RAI1: variants seen among roughly 807,000 people sequenced by gnomAD.
The protein encoded by RAI1 is retinoic acid-induced protein 1.
In RAI1, 9 loss-of-function variants were observed where a neutral mutation model predicts 123.8. The ratio of observed to expected loss-of-function variants is 0.07; its 90% CI spans 0.04 to 0.13. The LOEUF (loss-of-function observed/expected upper bound fraction) is 0.13, where lower values mean the gene tolerates loss of function less well. Among genes scored for constraint, RAI1 ranks in the 10% least tolerant of loss-of-function variants. The probability of loss-of-function intolerance (pLI) is 1.00; values close to 1 mark genes in which losing one functional copy is unlikely to be tolerated. For synonymous variants in RAI1, 1,231 were observed against 1,127.3 expected, an observed-to-expected ratio of 1.09 and a Z score of -1.84; for missense variants, 2,256 against 2,545.8, an observed-to-expected ratio of 0.89 and a Z score of 2.45.
At chr17:17,776,068 G>A (rs1187109944) in intron 2 of RAI1, among the ~76,000 whole-genome samples, 3 of 152,202 alleles carry the variant, frequency 2.0e-5, no homozygotes, top group Non-Finnish European at 4.4e-5. Context: ...CCCTCTTGGG[G>A]GCTGTTTCCT....
rs2032446409 is a variant in RAI1, at chr17:17,801,090, C to CT, written c.5565+2578dup. On this transcript the variant is annotated intron_variant, in intron 3 of 5. Coordinates refer to ENST00000353383, the MANE Select transcript of RAI1 (RefSeq NM_030665.4). The surrounding 1 kb of genome is among the most constrained non-coding windows in gnomAD (Gnocchi z 4.1). ...ACTTTTGCGCTCTGGAGGGCAGAAC[C>CT]TCTGAGCCAGCTCTCAGGGATACCT... 6.6e-6 allele frequency among the ~76,000 whole-genome samples: 1 copy of CT among 152,224 alleles called. No homozygotes were observed. The highest frequency in any genetic ancestry group is 1.5e-5 in the Non-Finnish European group (1 of 68,032).
rs1389541353 is a variant in RAI1 at position 17,800,408 on chromosome 17, C to T, written c.5565+1895C>T. On this transcript the variant is annotated intron_variant, in intron 3 of 5. Coordinates refer to ENST00000353383, the MANE Select transcript of RAI1 (RefSeq NM_030665.4). The surrounding 1 kb of genome is among the most constrained non-coding windows in gnomAD (Gnocchi z 4.7). ...CGCAGCCTCACCAGGGGCTCCCCGA[C>T]ACTCACGTCCCACCAGGCTGAGATC... Among the ~76,000 whole-genome samples, 3 of 152,192 alleles carry T rather than the reference C, an allele frequency of 2.0e-5. No individual in the cohort carries two copies.
At chr17:17,785,863 G>A (rs2031809641) in intron 2 of RAI1, among the ~76,000 whole-genome samples, 1 of 152,318 alleles carries the variant, frequency 6.6e-6, no homozygotes, top group Non-Finnish European at 1.5e-5. Context: ...GATCCCCTTT[G>A]CATCGGTTCT....
At position 17,797,463 on chromosome 17, in the gene RAI1, C is replaced by T. The variant is rs146571258; in HGVS notation, c.4515C>T (p.Gly1505=). Residue 1505 remains glycine, a synonymous_variant, in exon 3 of 6, where the codon GGC becomes GGT. Transcript: ENST00000353383. ...GGKKPKMEEL[G]LASQPPEGRP... The stretch of plus-strand genomic sequence containing the variant: ...AGAAGCCAAAGATGGAGGAGCTGGG[C>T]CTGGCCTCCCAGCCCCCGGAGGGCA... The T allele has an allele frequency of 3.7e-6, 6 of 1,613,424 alleles. No homozygotes were observed. Among genetic ancestry groups the T allele is most frequent in the African/African-American group, 1.3e-5 (1 of 75,044 alleles).
intron 1 of RAI1, among the ~76,000 whole-genome samples, chr17:17,705,325 T>G (rs755521412): frequency 1.3e-5 from 2 of 152,214 alleles, no homozygotes; most frequent in Non-Finnish European, 2.9e-5. Flanking sequence ...TTTACATCAT[T>G]TATTCCTTCA....
At chr17:17,750,805 TAGAC>T (rs958390138) in intron 2 of RAI1, among the ~76,000 whole-genome samples, 7 of 150,968 alleles carry the variant, frequency 4.6e-5, no homozygotes, top group South Asian at 4.2e-4. Context: ...GATATTCAAA[TAGAC>T]AGGCCAGTGT....
intron 2 of RAI1, among the ~76,000 whole-genome samples, chr17:17,758,663 C>A (rs1443378798): frequency 6.6e-6 from 1 of 152,388 alleles, no homozygotes; most frequent in South Asian, 2.1e-4. Flanking sequence ...CCTGTCGCAT[C>A]TGGCTTGGTA....
intron 4 of RAI1, among the ~76,000 whole-genome samples, chr17:17,805,020 G>A (rs548559084): frequency 4.6e-5 from 7 of 152,152 alleles, no homozygotes; most frequent in South Asian, 2.1e-4. Context: ...GCACCACCAC[G>A]CTCAGCTAAT....
intron 4 of RAI1, among the ~76,000 whole-genome samples, chr17:17,808,316 C>T (rs1315286803): frequency 4.6e-5 from 7 of 151,964 alleles, no homozygotes; most frequent in Admixed American, 1.3e-4. Context: ...CTGCCTCCTG[C>T]GCCCACTGCA....
rs1157985153 is a variant in RAI1 at position 17,797,141 on chromosome 17, C to T, written c.4193C>T (p.Pro1398Leu). Residue 1398 changes from proline (P) to leucine (L), a missense_variant, in exon 3 of 6, where the codon CCG becomes CTG. Pro to Leu is a moderately conservative substitution (Grantham distance 98). Coordinates refer to ENST00000353383, the MANE Select transcript of RAI1 (RefSeq NM_030665.4). Reference protein sequence around the residue: ...GQKLPTSGADPLCRNPTNRSL... With the variant: ...GQKLPTSGADLLCRNPTNRSL... ...AAGCTCCCAACTTCTGGGGCTGATC[C>T]GTTATGCAGAAATCCAACCAACAGA... 4 of 1,613,890 alleles carry T rather than the reference C, an allele frequency of 2.5e-6. No individual in the cohort carries two copies. Among genetic ancestry groups the T allele is most frequent in the Non-Finnish European group, 2.5e-6 (3 of 1,180,046 alleles).
intron 2 of RAI1, chr17:17,777,908 G>C (rs1393440533): frequency 6.6e-6 from 1 of 152,304 alleles, no homozygotes; most frequent in Non-Finnish European, 1.5e-5. Flanking sequence ...GAGACTGAGG[G>C]CTTGGGGACA....
intron 1 of RAI1, among the ~76,000 whole-genome samples, chr17:17,717,866 G>C (rs1255246310): frequency 6.6e-6 from 1 of 152,184 alleles, no homozygotes; most frequent in East Asian, 1.9e-4. Context: ...TCCAGTGAAG[G>C]GTCCACAGCA....
intron 1 of RAI1, among the ~76,000 whole-genome samples, chr17:17,696,859 C>T (rs181971502): frequency 6.6e-6 from 1 of 152,348 alleles, no homozygotes; most frequent in East Asian, 1.9e-4. Context: ...CATTCGGGGC[C>T]TCCTTTGCCT....
intron 2 of RAI1, chr17:17,766,159 G>A (rs559561046): frequency 6.6e-6 from 1 of 152,304 alleles, no homozygotes; most frequent in African/African-American, 2.4e-5. Context: ...AGCCCTTAAG[G>A]GCTGTTGGGT....
At chr17:17,703,893 A>G (rs1598022491) in intron 1 of RAI1, among the ~76,000 whole-genome samples, 1 of 152,278 alleles carries the variant, frequency 6.6e-6, no homozygotes, top group South Asian at 2.1e-4. Flanking sequence ...AGAGGGCCCA[A>G]GTCCTTGTCT....
At chr17:17,779,635 G>C (rs2031489057) in intron 2 of RAI1, 1 of 152,140 alleles carries the variant, frequency 6.6e-6, no homozygotes, top group Non-Finnish European at 1.5e-5. Context: ...TGTGGACTTA[G>C]GCCTCATTAT....
chr17:17,721,911 C>G (rs1275220475), intron 1 of RAI1, among the ~76,000 whole-genome samples: 1 of 151,968 alleles, frequency 6.6e-6, no homozygotes, highest in Non-Finnish European at 1.5e-5. Context: ...AAAAGGTGCC[C>G]GAGGCCCACC....
At chr17:17,705,654 G>A (rs1186141966) in intron 1 of RAI1, among the ~76,000 whole-genome samples, 2 of 151,668 alleles carry the variant, frequency 1.3e-5, no homozygotes, top group East Asian at 1.9e-4. Flanking sequence ...TATACCCAGC[G>A]GGCAGAGGTT....
intron 2 of RAI1, among the ~76,000 whole-genome samples, chr17:17,741,182 C>T (rs1206227954): frequency 2.6e-5 from 4 of 152,114 alleles, no homozygotes; most frequent in Admixed American, 1.3e-4. Context: ...CCTTTCTTTC[C>T]GTCTCTCCCC....
Sources: allele counts gnomAD v4.1 joint callset (sites outside exome capture counted in the v4.1 genomes callset), GRCh38; gene constraint gnomAD v4.1.1; non-coding constraint Gnocchi (gnomAD v3.1); transcripts MANE v1.5; gene names NCBI Gene and HGNC (gene_info 2026-07-23, HGNC 2026-07-21).